IMMP2L: variants seen among roughly 807,000 people sequenced by gnomAD.
The protein encoded by IMMP2L is mitochondrial inner membrane protease subunit 2.
Under a neutral mutation model 19.3 loss-of-function variants are expected in IMMP2L, and 18 were observed. The ratio of observed to expected loss-of-function variants is 0.93; its 90% CI spans 0.64 to 1.38. The LOEUF is 1.38. Ranked by LOEUF, IMMP2L falls within the 40% of genes most tolerant of loss-of-function variation. IMMP2L has a pLI of 0.00. For synonymous variants in IMMP2L, 76 were observed against 73.0 expected, an observed-to-expected ratio of 1.04 and a Z score of -0.21; for missense variants, 233 against 218.2, an observed-to-expected ratio of 1.07 and a Z score of -0.43.
chr7:111,324,750 T>C (rs1355181943), intron 3 of IMMP2L, among the ~76,000 whole-genome samples: 1 of 151,848 alleles, frequency 6.6e-6, no homozygotes, highest in Non-Finnish European at 1.5e-5. Context: ...AACAACAATC[T>C]GTTTATTGAC....
At chr7:111,065,929 C>T (rs372816803) in intron 3 of IMMP2L, among the ~76,000 whole-genome samples, 21 of 150,182 alleles carry the variant, frequency 1.4e-4, no homozygotes, top group South Asian at 2.1e-4. Flanking sequence ...CGCGTGTATG[C>T]GCGCGCACGC....
intron 3 of IMMP2L, among the ~76,000 whole-genome samples, chr7:111,445,607 A>C (rs1838274481): frequency 6.6e-6 from 1 of 152,166 alleles, no homozygotes; most frequent in Non-Finnish European, 1.5e-5. Flanking sequence ...ATATATTCTA[A>C]CGTTCTAGGT....
At chr7:111,030,880 GTGTGTATATATATA>G (rs1369543990) in intron 3 of IMMP2L, among the ~76,000 whole-genome samples, 1 of 17,184 alleles carries the variant, frequency 5.8e-5, no homozygotes, top group Non-Finnish European at 1.2e-4. Flanking sequence ...GTGTGTGTGT[GTGTGTATATATATA>G]TATATATATA....
chr7:111,389,132 A>G (rs1164576277), intron 3 of IMMP2L, among the ~76,000 whole-genome samples: 2 of 152,126 alleles, frequency 1.3e-5, no homozygotes, highest in African/African-American at 2.4e-5. Context: ...GGAACTGAGA[A>G]CATAGCATCG....
chr7:111,323,685 T>C (rs1192285915), intron 3 of IMMP2L, among the ~76,000 whole-genome samples: 2 of 152,084 alleles, frequency 1.3e-5, no homozygotes, highest in Non-Finnish European at 2.9e-5. Flanking sequence ...TAAAGACACA[T>C]CCACGCATAT....
chr7:111,041,803 C>T (rs1791922961), intron 3 of IMMP2L, among the ~76,000 whole-genome samples: 1 of 152,074 alleles, frequency 6.6e-6, no homozygotes, highest in African/African-American at 2.4e-5. Context: ...TCAGGTGTCC[C>T]GCATATAGTA....
At chr7:110,764,770 T>C (rs1161138715) in intron 5 of IMMP2L, among the ~76,000 whole-genome samples, 1 of 152,016 alleles carries the variant, frequency 6.6e-6, no homozygotes, top group Non-Finnish European at 1.5e-5. Flanking sequence ...AGGGAGAAAA[T>C]GTTAGTATTT....
At chr7:111,537,804 T>A (rs1354775284) in intron 1 of IMMP2L, among the ~76,000 whole-genome samples, 1 of 152,044 alleles carries the variant, frequency 6.6e-6, no homozygotes, top group Non-Finnish European at 1.5e-5. Flanking sequence ...GTGCTGGGAT[T>A]ACAGGTACCA....
At chr7:110,830,366 G>A (rs1023659582) in intron 5 of IMMP2L, among the ~76,000 whole-genome samples, 6 of 151,978 alleles carry the variant, frequency 3.9e-5, no homozygotes, top group African/African-American at 1.5e-4. Flanking sequence ...GGACAAACGT[G>A]TTGGACTTCA....
intron 2 of IMMP2L, among the ~76,000 whole-genome samples, chr7:111,504,507 T>C: frequency 6.6e-6 from 1 of 152,030 alleles, no homozygotes; most frequent in African/African-American, 2.4e-5. Context: ...AGAGCCTGCA[T>C]CACCAAGTCA....
At chr7:110,945,660 A>G (rs1481814690) in intron 4 of IMMP2L, among the ~76,000 whole-genome samples, 1 of 151,994 alleles carries the variant, frequency 6.6e-6, no homozygotes, top group Non-Finnish European at 1.5e-5. Context: ...CATGGAAATC[A>G]TTTAGTCCAA....
chr7:110,674,851 A>G (rs1322619044), intron 5 of IMMP2L, among the ~76,000 whole-genome samples: 2 of 152,098 alleles, frequency 1.3e-5, no homozygotes, highest in South Asian at 2.1e-4. Context: ...TACCATATCT[A>G]TCTGCCTGCT....
intron 5 of IMMP2L, among the ~76,000 whole-genome samples, chr7:110,737,099 A>T (rs972180186): frequency 6.6e-6 from 1 of 152,136 alleles, no homozygotes; most frequent in Admixed American, 6.5e-5. Context: ...TGGACAGAAC[A>T]GCCTGTAGAG....
chr7:111,193,587 G>A (rs1264191272), intron 3 of IMMP2L, among the ~76,000 whole-genome samples: 4 of 152,008 alleles, frequency 2.6e-5, no homozygotes, highest in African/African-American at 7.3e-5. Context: ...TGGGATTAAG[G>A]AGAAAAGGGA....
chr7:111,288,777 G>A (rs1157192997), intron 3 of IMMP2L, among the ~76,000 whole-genome samples: 1 of 152,110 alleles, frequency 6.6e-6, no homozygotes, highest in Non-Finnish European at 1.5e-5. Context: ...AACAGATGCT[G>A]GAGAGGATGT....
intron 3 of IMMP2L, among the ~76,000 whole-genome samples, chr7:111,469,324 G>C (rs1373390928): frequency 6.6e-6 from 1 of 152,092 alleles, no homozygotes; most frequent in Non-Finnish European, 1.5e-5. Flanking sequence ...GGATGGCACT[G>C]AATCTATAAA....
intron 3 of IMMP2L, among the ~76,000 whole-genome samples, chr7:111,209,268 G>A (rs549697550): frequency 1.5e-4 from 23 of 151,906 alleles, no homozygotes; most frequent in African/African-American, 4.8e-4. Flanking sequence ...ATGGTGGCAC[G>A]CACCTGTAGT....
intron 3 of IMMP2L, among the ~76,000 whole-genome samples, chr7:111,477,988 A>G (rs1360357830): frequency 6.6e-6 from 1 of 152,096 alleles, no homozygotes; most frequent in Admixed American, 6.6e-5. Context: ...TTATTCCAAT[A>G]GTGCTTTTTC....
chr7:111,423,718 A>C (rs1431731287), intron 3 of IMMP2L, among the ~76,000 whole-genome samples: 1 of 151,842 alleles, frequency 6.6e-6, no homozygotes, highest in East Asian at 1.9e-4. Flanking sequence ...AAAGATCTAA[A>C]ATCGACACTC....
Sources: gnomAD v4.1 joint callset for allele counts (sites outside exome capture counted in the v4.1 genomes callset) on GRCh38, gnomAD v4.1.1 for gene constraint, MANE v1.5 for transcripts, NCBI Gene and HGNC (gene_info 2026-07-23, HGNC 2026-07-21) for gene names.